The following STARD10 variants were observed in gnomAD, a reference collection of about 807,000 sequenced individuals.
STARD10 encodes the protein START domain-containing protein 10.
A neutral mutation model predicts 36.0 loss-of-function variants in STARD10; 24 were observed. The observed-to-expected ratio is 0.67, with a 90% confidence interval of 0.48 to 0.94. The LOEUF (loss-of-function observed/expected upper bound fraction) is 0.94, where lower values mean the gene tolerates loss of function less well. Among genes scored for constraint, STARD10 ranks in the 40% least tolerant of loss-of-function variants. STARD10 has a pLI of 0.00. For missense variants in STARD10, 335 were observed against 396.6 expected, an observed-to-expected ratio of 0.84 and a Z score of 1.32; for synonymous variants, 156 against 161.9, an observed-to-expected ratio of 0.96 and a Z score of 0.28.
intron 2 of STARD10, among the ~76,000 whole-genome samples, chr11:72,770,561 A>G (rs1235783907): frequency 6.6e-6 from 1 of 151,494 alleles, no homozygotes; most frequent in Admixed American, 6.6e-5. Flanking sequence ...CAGAACCCCA[A>G]CTCCTTACTC....
rs541548390 is a variant in STARD10, at chr11:72,759,744, C to A, written c.208-363G>T. 1.4e-3 allele frequency among the ~76,000 whole-genome samples: 216 copies of A among 152,308 alleles called. 1 individual carries two copies. The highest frequency in any genetic ancestry group is 4.8e-3 in the African/African-American group (200 of 41,550). ...GGCAGAGGCTCATGGTTGCTTCAGCCTGGAGCCTGGAATAGCTACATGTTA... is the reference window on the plus strand; with the variant it reads ...GGCAGAGGCTCATGGTTGCTTCAGCATGGAGCCTGGAATAGCTACATGTTA... On this transcript the variant is annotated intron_variant, in intron 2 of 6. Transcript: ENST00000334805.
chr11:72,788,603 C>G (rs963607432), intron 1 of STARD10, among the ~76,000 whole-genome samples: 10 of 149,480 alleles, frequency 6.7e-5, no homozygotes, highest in Non-Finnish European at 1.0e-4. Context: ...GCGTCTCACT[C>G]TGTTGCCCAG....
chr11:72,776,187 C>G (rs1356071290), intron 2 of STARD10, among the ~76,000 whole-genome samples: 3 of 152,284 alleles, frequency 2.0e-5, no homozygotes, highest in African/African-American at 7.2e-5. Context: ...CATAGACTGG[C>G]AAGACCTTAG....
intron 2 of STARD10, among the ~76,000 whole-genome samples, chr11:72,759,701 C>G (rs148553054): frequency 2.3e-4 from 35 of 152,270 alleles, no homozygotes; most frequent in African/African-American, 7.9e-4. Flanking sequence ...CCTCCCAGAC[C>G]CCTGTGAGCT....
chr11:72,783,041 C>T (rs1859025138), intron 1 of STARD10, among the ~76,000 whole-genome samples: 1 of 152,114 alleles, frequency 6.6e-6, no homozygotes, highest in African/African-American at 2.4e-5. Flanking sequence ...CCTAAGGTGC[C>T]TCCTAGCCTC....
chr11:72,787,048 C>CACTCT (rs1425990500), intron 1 of STARD10, among the ~76,000 whole-genome samples: 2 of 141,290 alleles, frequency 1.4e-5, no homozygotes, highest in Non-Finnish European at 3.0e-5. Context: ...CGTACTACTG[C>CACTCT]ACTCTAGCCT....
Position 72,781,026 on chromosome 11 carries a change from C to A in STARD10, c.156G>T (p.Val52=). ...TCTCCACAGCCTGCACCCAGACAGA[C>A]ACCCCAGCCCTGCTATAGGTCAGGT... ...GWNLTYSRAG[V]SVWVQAVEMD... is the part of the protein sequence containing the mutation. Residue 52 remains valine, a synonymous_variant, in exon 2 of 7, where the codon GTG becomes GTT. Transcript: ENST00000334805. This position sits in a 1 kb window ranked among gnomAD's most constrained non-coding sequence, Gnocchi z 4.7. 1.9e-6 allele frequency: 3 copies of A among 1,614,206 alleles called. No homozygotes were observed. The highest frequency in any genetic ancestry group is 1.3e-5 in the African/African-American group (1 of 75,068).
At chr11:72,789,476 A>C (rs920588819) in intron 1 of STARD10, among the ~76,000 whole-genome samples, 8 of 152,262 alleles carry the variant, frequency 5.3e-5, no homozygotes, top group Admixed American at 2.6e-4. Context: ...CCTCACCCCC[A>C]ATCCAAGCAG....
At chr11:72,792,277 A>G (rs186578193) in intron 1 of STARD10, among the ~76,000 whole-genome samples, 63 of 150,862 alleles carry the variant, frequency 4.2e-4, no homozygotes, top group Middle Eastern at 3.4e-3. Flanking sequence ...GCTGATCTCA[A>G]CCCCCAACCT....
At chr11:72,761,994 T>C (rs1420085214) in intron 2 of STARD10, among the ~76,000 whole-genome samples, 2 of 145,588 alleles carry the variant, frequency 1.4e-5, no homozygotes, top group African/African-American at 5.1e-5. Context: ...GACACGATCT[T>C]GGCTCACCGC....
chr11:72,770,726 G>A (rs557168406), intron 2 of STARD10, among the ~76,000 whole-genome samples: 57 of 152,278 alleles, frequency 3.7e-4, no homozygotes, highest in African/African-American at 1.3e-3. Flanking sequence ...AGGGAAGCCA[G>A]AAATGCAGGT....
intron 1 of STARD10, among the ~76,000 whole-genome samples, chr11:72,787,084 CAAAAAAAAAAAAA>C (rs765529093): frequency 2.8e-5 from 2 of 72,024 alleles, no homozygotes; most frequent in African/African-American, 1.0e-4. Flanking sequence ...ACCCTGTGTC[CAAAAAAAAAAAAA>C]AAAAAAAAGG....
At chr11:72,780,437 G>A (rs1454357121) in intron 2 of STARD10, 12 of 452,160 alleles carry the variant, frequency 2.7e-5, no homozygotes, top group South Asian at 1.9e-4. Context: ...ACAATCCTGA[G>A]TCCCTGCAGG....
chr11:72,782,778 C>T (rs1226077584), intron 1 of STARD10, among the ~76,000 whole-genome samples: 1 of 152,178 alleles, frequency 6.6e-6, no homozygotes, highest in African/African-American at 2.4e-5. Flanking sequence ...TCCATCTGCT[C>T]TGTGTGAACT....
At chr11:72,759,952 C>T (rs1157397006) in intron 2 of STARD10, among the ~76,000 whole-genome samples, 1 of 152,020 alleles carries the variant, frequency 6.6e-6, no homozygotes, top group African/African-American at 2.4e-5. Flanking sequence ...CTCTTGTCAC[C>T]CAGGCTGGAG....
chr11:72,770,500 G>A (rs1008996669), intron 2 of STARD10, among the ~76,000 whole-genome samples: 1 of 152,316 alleles, frequency 6.6e-6, no homozygotes, highest in African/African-American at 2.4e-5. Flanking sequence ...TTACAGGCGT[G>A]AGCCACCACA....
chr11:72,779,633 C>A (rs1406899211), intron 2 of STARD10, among the ~76,000 whole-genome samples: 1 of 152,020 alleles, frequency 6.6e-6, no homozygotes, highest in Non-Finnish European at 1.5e-5. Flanking sequence ...TCTCAGGGAA[C>A]AACCAGCTGG....
chr11:72,765,755 G>C (rs891878897), intron 2 of STARD10, among the ~76,000 whole-genome samples: 1 of 151,014 alleles, frequency 6.6e-6, no homozygotes, highest in Admixed American at 6.6e-5. Context: ...TGGATCATTT[G>C]AGGTCAGGAG....
chr11:72,777,762 T>C (rs1392861905), intron 2 of STARD10, among the ~76,000 whole-genome samples: 1 of 152,198 alleles, frequency 6.6e-6, no homozygotes, highest in Non-Finnish European at 1.5e-5. Context: ...TGAGCCACAG[T>C]GGCTTCCAGG....
Sources: allele counts gnomAD v4.1 joint callset (sites outside exome capture counted in the v4.1 genomes callset), GRCh38; gene constraint gnomAD v4.1.1; non-coding constraint Gnocchi (gnomAD v3.1); transcripts MANE v1.5; gene names NCBI Gene and HGNC (gene_info 2026-07-23, HGNC 2026-07-21).